The following TMEM63B variants were observed in gnomAD, a reference collection of about 807,000 sequenced individuals.
TMEM63B encodes mechanosensitive cation channel TMEM63B.
TMEM63B carries 23 observed loss-of-function variants against 102.6 expected under a neutral mutation model. That is an observed-to-expected ratio of 0.22 (90% confidence interval 0.16 to 0.32). TMEM63B has a LOEUF of 0.32. Among genes scored for constraint, TMEM63B ranks in the 10% least tolerant of loss-of-function variants. TMEM63B has a pLI of 1.00. For synonymous variants in TMEM63B, 444 were observed against 437.0 expected (o/e 1.02, Z -0.20); for missense variants, 628 against 1,095.9 (o/e 0.57, Z 6.03).
At chr6:44,154,047 C>T (rs1767440879) in intron 21 of TMEM63B, 26 bp from the exon 22 acceptor site, 3 of 1,608,102 alleles carry the variant, frequency 1.9e-6, no homozygotes, top group Admixed American at 3.3e-5. Context: ...GAGATAGCAA[C>T]CCCATTCTTT....
rs575008692 is a variant in TMEM63B at position 44,153,821 on chromosome 6, C to T, written c.2088C>T (p.Leu696=). The change falls in exon 21 of 24, where the codon CTC becomes CTT. Residue 696 remains leucine, a synonymous_variant. Coordinates refer to ENST00000323267, the MANE Select transcript of TMEM63B (RefSeq NM_018426.3). The part of the protein sequence containing the change: ...AAPILCLFWL[L]FFSTMRTGFL... Reference sequence around the variant, plus strand: ...CCATCCTCTGCCTCTTCTGGCTGCTCTTCTTTTCCACCATGCGCACGGGTG... The same window carrying T: ...CCATCCTCTGCCTCTTCTGGCTGCTTTTCTTTTCCACCATGCGCACGGGTG... 229 of 1,613,910 alleles carry T rather than the reference C, an allele frequency of 1.4e-4. No individual in the cohort carries two copies. In the South Asian group the frequency reaches 2.4e-3, roughly 17 times the overall value.
At chr6:44,144,649 T>G (rs1764974323) in intron 10 of TMEM63B, among the ~76,000 whole-genome samples, 1 of 151,892 alleles carries the variant, frequency 6.6e-6, no homozygotes, top group African/African-American at 2.4e-5. Context: ...AGTGCTGCAA[T>G]ACAGGGGCGT....
Position 44,154,497 on chromosome 6 carries a change from C to T in TMEM63B, c.2307+52C>T, listed in dbSNP as rs767549159. The T allele has an allele frequency of 3.1e-6, 5 of 1,602,184 alleles. No homozygotes were observed. The South Asian group carries it at 5.5e-5, about 18-fold the overall frequency. On this transcript the variant is annotated intron_variant, in intron 23 of 23. Coordinates refer to ENST00000323267, the MANE Select transcript of TMEM63B (RefSeq NM_018426.3). The stretch of plus-strand genomic sequence containing the variant: ...GCCTCTGACAGACTCAGCCTCAAAG[C>T]CCAGTGTTCCCTTAGTCCTGCAGAA...
intron 6 of TMEM63B, chr6:44,138,796 C>T (rs1403843754): frequency 2.2e-5 from 9 of 415,866 alleles, no homozygotes; most frequent in African/African-American, 1.8e-4. Context: ...GCCCCTGCCT[C>T]AACCTCTGTG....
intron 18 of TMEM63B, among the ~76,000 whole-genome samples, chr6:44,151,620 C>G (rs1195577671): frequency 1.3e-5 from 2 of 152,134 alleles, no homozygotes; most frequent in East Asian, 1.9e-4. Context: ...GTCTTGAGCA[C>G]TCTCTCCATG....
chr6:44,138,571 A>G, intron 6 of TMEM63B, 54 bp downstream of exon 6: 1 of 1,609,020 alleles, frequency 6.2e-7, no homozygotes, highest in Non-Finnish European at 8.5e-7. Flanking sequence ...AGAACCTGGC[A>G]TCTCCCTACA....
intron 22 of TMEM63B, 45 bp from the exon 23 acceptor site, chr6:44,154,320 C>T: frequency 6.2e-7 from 1 of 1,610,224 alleles, no homozygotes; most frequent in Middle Eastern, 1.7e-4. Flanking sequence ...ATGATCAGGG[C>T]TGAGGACATG....
At chr6:44,127,183 G>A (rs1239336335), upstream of TMEM63B, 2 of 144,042 alleles carry the variant, frequency 1.4e-5, no homozygotes, top group African/African-American at 5.1e-5. Flanking sequence ...CCTCCCCGTC[G>A]GGACCCCCCC....
intron 1 of TMEM63B, 50 bp from the exon 2 acceptor site, chr6:44,134,511 C>T (rs1435102336): frequency 1.3e-6 from 2 of 1,567,970 alleles, no homozygotes; most frequent in South Asian, 1.2e-5. Flanking sequence ...CCTACTGGGC[C>T]ATGAAGGGGA....
intron 20 of TMEM63B, 136 bp from the exon 21 acceptor site, chr6:44,153,540 C>G: frequency 1.1e-6 from 1 of 940,532 alleles, no homozygotes; most frequent in Non-Finnish European, 1.5e-6. Context: ...GCACGGGGCA[C>G]TATCCCGTCC....
At chr6:44,149,602 A>G (rs755477160) in intron 15 of TMEM63B, among the ~76,000 whole-genome samples, 1 of 152,224 alleles carries the variant, frequency 6.6e-6, no homozygotes, top group South Asian at 2.1e-4. Context: ...GAGGATTAAG[A>G]CATGGCAAGT....
At chr6:44,149,147 CA>C in intron 15 of TMEM63B, 1 of 679,432 alleles carries the variant, frequency 1.5e-6, no homozygotes, top group Non-Finnish European at 2.5e-6. Context: ...CTCAGGTGTG[CA>C]ACACCTGGAG....
chr6:44,130,838 A>G (rs1177354000), intron 1 of TMEM63B, among the ~76,000 whole-genome samples: 3 of 149,172 alleles, frequency 2.0e-5, no homozygotes, highest in Non-Finnish European at 4.4e-5. Flanking sequence ...TGCAGCCTCC[A>G]ACTCCTAGGC....
intron 15 of TMEM63B, among the ~76,000 whole-genome samples, 178 bp from the exon 16 acceptor site, chr6:44,149,681 G>T (rs1331917074): frequency 6.6e-6 from 1 of 152,188 alleles, no homozygotes; most frequent in African/African-American, 2.4e-5. Context: ...CCACCCTGGG[G>T]TTATACATAT....
intron 21 of TMEM63B, 113 bp from the exon 22 acceptor site, chr6:44,153,960 G>A (rs1403509224): frequency 3.9e-6 from 6 of 1,557,700 alleles, no homozygotes; most frequent in Middle Eastern, 3.4e-4. Flanking sequence ...GGGAGAGGCT[G>A]GGGCCAGTCT....
chr6:44,137,281 G>C (rs927216361), intron 5 of TMEM63B, among the ~76,000 whole-genome samples: 1 of 152,140 alleles, frequency 6.6e-6, no homozygotes, highest in African/African-American at 2.4e-5. Context: ...TACCTGCCTG[G>C]CTCTCCATCA....
intron 23 of TMEM63B, 83 bp from the exon 24 acceptor site, chr6:44,154,607 ACT>A: frequency 6.8e-7 from 1 of 1,478,558 alleles, no homozygotes. Context: ...GGCCCTGCCC[ACT>A]CTGCTGTCCT....
intron 5 of TMEM63B, among the ~76,000 whole-genome samples, chr6:44,137,503 G>C (rs541585216): frequency 6.6e-6 from 1 of 152,292 alleles, no homozygotes; most frequent in East Asian, 1.9e-4. Flanking sequence ...ATGGTCCCCA[G>C]ACTCAGGTGA....
chr6:44,136,299 G>A, intron 4 of TMEM63B, 50 bp from the exon 5 acceptor site: 2 of 1,532,130 alleles, frequency 1.3e-6, no homozygotes, highest in African/African-American at 2.7e-5. Flanking sequence ...CAGCTTCCCG[G>A]GGGCTCAGAC....
Sources: gnomAD v4.1 joint callset for allele counts (sites outside exome capture counted in the v4.1 genomes callset) on GRCh38, gnomAD v4.1.1 for gene constraint, MANE v1.5 for transcripts, NCBI Gene and HGNC (gene_info 2026-07-23, HGNC 2026-07-21) for gene names.